Variants in OR2K2 observed in about 807,000 individuals in gnomAD.
OR2K2 encodes olfactory receptor 2K2.
A neutral mutation model predicts 11.1 loss-of-function variants in OR2K2; 7 were observed. The observed-to-expected ratio is 0.63, with a 90% CI of 0.36 to 1.19. The LOEUF (loss-of-function observed/expected upper bound fraction) is 1.19, where lower values mean the gene tolerates loss of function less well. OR2K2 is among the 50% of genes most tolerant of loss of function. OR2K2 has a pLI of 0.02. For missense variants in OR2K2, 391 were observed against 383.4 expected (o/e 1.02, Z -0.17); for synonymous variants, 152 against 150.8 (o/e 1.01, Z -0.06).
In OR2K2 at chr9:111,327,941, G is replaced by T. The variant is rs767959097; in HGVS notation, c.493C>A (p.Gln165Lys). The T allele has an allele frequency of 1.5e-5, 25 of 1,614,046 alleles. No homozygotes were observed. The highest frequency in any genetic ancestry group is 1.2e-5 in the Non-Finnish European group (14 of 1,180,044). ...ATGAGATTCCCACAGAGGGGTATCT[G>T]CAGGGCAAAACTGGTTTCCAGCAGA... Reference protein sequence around the residue: ...TALLETSFALQIPLCGNLIDH... With the variant: ...TALLETSFALKIPLCGNLIDH... Residue 165 changes from glutamine to lysine, a missense_variant, in exon 2 of 2, where the codon CAG becomes AAG. Gln to Lys is a moderately conservative substitution (Grantham distance 53). Transcript: ENST00000302681.
chr9:111,327,893 G>A lies in OR2K2; in HGVS notation c.541C>T (p.Leu181=). Residue 181 remains leucine (L), a synonymous_variant, in exon 2 of 2, where the codon CTG becomes TTG. Coordinates refer to ENST00000302681, the MANE Select transcript of OR2K2 (RefSeq NM_205859.2). The part of the protein sequence containing the change: ...NLIDHFTCEI[L]AVLKLACTSS... ...GTGCAAGCTAACTTTAGCACCGCCAGAATTTCACACGTGAAGTGATCGATG... is the reference window on the plus strand; with the variant it reads ...GTGCAAGCTAACTTTAGCACCGCCAAAATTTCACACGTGAAGTGATCGATG... The A allele has an allele frequency of 6.2e-7, 1 of 1,614,212 alleles. No homozygotes were observed. The highest frequency in any genetic ancestry group is 8.5e-7 in the Non-Finnish European group (1 of 1,180,048).
rs1296414662 is a variant in OR2K2, at chr9:111,328,257, C to T, written c.177G>A (p.Met59Ile). The T allele has an allele frequency of 1.2e-6, 2 of 1,614,120 alleles. No homozygotes were observed. Among genetic ancestry groups the T allele is most frequent in the Non-Finnish European group, 8.5e-7 (1 of 1,180,018 alleles). ...TILDSRLKTPMYLFLGNLSFM... is the reference protein window; with the variant it reads ...TILDSRLKTPIYLFLGNLSFM... ...AAGAGAGATTTCCAAGGAATAAGTA[C>T]ATGGGGGTTTTAAGGCGTGAATCTA... The change falls in exon 2 of 2, where the codon ATG becomes ATA. Residue 59 changes from methionine to isoleucine, a missense_variant. Transcript: ENST00000302681.
intron 1 of OR2K2, 132 bp from the exon 2 acceptor site, chr9:111,328,614 G>T (rs977178902): frequency 6.7e-6 from 4 of 595,578 alleles, no homozygotes; most frequent in South Asian, 2.1e-5. Context: ...TGATGTAAGG[G>T]GGGGAGCAGG....
rs758642297 is a variant in OR2K2, at chr9:111,328,272, G to A, written c.162C>T (p.Arg54=). The A allele has an allele frequency of 6.2e-6, 10 of 1,614,044 alleles. No homozygotes were observed. The highest frequency in any genetic ancestry group is 1.3e-5 in the African/African-American group (1 of 74,924). Residue 54 remains arginine, a synonymous_variant, in exon 2 of 2, where the codon CGC becomes CGT. Transcript: ENST00000302681. ...GGAATAAGTACATGGGGGTTTTAAG[G>A]CGTGAATCTAGGATAGTGATCAAAA... ...TLILITILDS[R]LKTPMYLFLG...
In OR2K2 at chr9:111,327,599, C is replaced by G; in HGVS notation, c.835G>C (p.Val279Leu). 6.2e-7 allele frequency: 1 copy of G among 1,614,082 alleles called. No homozygotes were observed. The highest frequency in any genetic ancestry group is 8.5e-7 in the Non-Finnish European group (1 of 1,179,970). ...IDKIISLLYG[V>L]LTPMLNPIIY... ...ATGGGGTTCAACATAGGGGTAAGCA[C>G]TCCGTAAAGCAACGAGATGATTTTG... Residue 279 changes from valine to leucine, a missense_variant, in exon 2 of 2, where the codon GTG becomes CTG. Transcript: ENST00000302681.
chr9:111,328,251 T>G lies in OR2K2; in HGVS notation c.183A>C (p.Leu61Phe), dbSNP rs1320469999. 6.2e-7 allele frequency: 1 copy of G among 1,614,144 alleles called. No individual in the cohort carries two copies. Among genetic ancestry groups the G allele is most frequent in the Admixed American group, 1.7e-5 (1 of 60,012 alleles). ...CCATGAAAGAGAGATTTCCAAGGAA[T>G]AAGTACATGGGGGTTTTAAGGCGTG... ...LDSRLKTPMYLFLGNLSFMDI... is the reference protein window; with the variant it reads ...LDSRLKTPMYFFLGNLSFMDI... Residue 61 changes from leucine (L) to phenylalanine (F), a missense_variant, in exon 2 of 2, where the codon TTA (leucine) becomes TTC (phenylalanine). Physicochemically the swap from Leu to Phe is conservative, Grantham distance 22. Transcript: ENST00000302681.
At position 111,327,514 on chromosome 9, in the gene OR2K2, A is replaced by G. The variant is rs908065264; in HGVS notation, c.920T>C (p.Ile307Thr). The change falls in exon 2 of 2, where the codon ATA becomes ACA. Residue 307 changes from isoleucine to threonine, a missense_variant. Transcript: ENST00000302681. ...ATGTTCGTGTGTTTGATGCAATGTT[A>G]TTTTGCCCAGCAATTTCTTCATAGC... The part of the protein sequence containing the change: ...KDAMKKLLGK[I>T]TLHQTHEHL The G allele has an allele frequency of 4.3e-6, 7 of 1,610,088 alleles. No homozygotes were observed. Among genetic ancestry groups the G allele is most frequent in the Non-Finnish European group, 5.9e-6 (7 of 1,178,464 alleles).
In OR2K2 at chr9:111,328,078, G is replaced by T; in HGVS notation, c.356C>A (p.Ala119Glu). The change falls in exon 2 of 2, where the codon GCA becomes GAA. Residue 119 changes from alanine (A) to glutamate (E), a missense_variant. Transcript: ENST00000302681. ...ACAAATGGCCACATAACGGTCATAT[G>T]CCATCACGGCCAGGAGCACACACTC... ...STECVLLAVM[A>E]YDRYVAICNP... 6.2e-7 allele frequency: 1 copy of T among 1,614,156 alleles called. No individual in the cohort carries two copies.
chr9:111,328,555 T>C lies in OR2K2; in HGVS notation c.-49-73A>G, dbSNP rs531491118. On this transcript the variant is annotated intron_variant, in intron 1 of 1. Transcript: ENST00000302681. ...AAAATACTCTCAAACTTATTTTCACTATTATAAATGCAATTTTACTACAAG... is the reference window on the plus strand; with the variant it reads ...AAAATACTCTCAAACTTATTTTCACCATTATAAATGCAATTTTACTACAAG... 8.6e-6 allele frequency: 6 copies of C among 696,238 alleles called. No individual in the cohort carries two copies. The African/African-American group carries it at 9.0e-5, about 10-fold the overall frequency. The allele number at this position is 696,238 out of a possible 1,614,324, so 43.1% of individuals were successfully genotyped here. A position where few individuals can be genotyped will look rare whatever the true frequency, so the allele number is the denominator to read the frequency against.
At chr9:111,328,541 A>G in intron 1 of OR2K2, 59 bp from the exon 2 acceptor site, 1 of 749,640 alleles carries the variant, frequency 1.3e-6, no homozygotes, top group Non-Finnish European at 2.1e-6. Flanking sequence ...AAATACTCTC[A>G]AACTTATTTT....
chr9:111,328,790 T>C (rs1033303760), intron 1 of OR2K2, among the ~76,000 whole-genome samples: 2 of 152,190 alleles, frequency 1.3e-5, no homozygotes, highest in Non-Finnish European at 2.9e-5. Flanking sequence ...AAAATATGAA[T>C]GTACATTGAA....
In OR2K2 at chr9:111,327,338, G is replaced by A; in HGVS notation, c.*145C>T. On this transcript the variant is annotated 3_prime_UTR_variant, in exon 2 of 2. Coordinates refer to ENST00000302681, the MANE Select transcript of OR2K2 (RefSeq NM_205859.2). ...AATTGAAACCTACTATTATTAATAG[G>A]CAATCACTCTGTGTATGCAGCTCAT... 1 of 537,464 alleles carries A rather than the reference G, an allele frequency of 1.9e-6. No homozygotes were observed. The highest frequency in any genetic ancestry group is 3.3e-4 in the Middle Eastern group (1 of 3,022). 33.3% of individuals were successfully genotyped at this position (537,464 alleles called of 1,614,324 possible). A position where few individuals can be genotyped will look rare whatever the true frequency, so the allele number is the denominator to read the frequency against.
Position 111,327,617 on chromosome 9 carries a change from TG to T in OR2K2, c.816del (p.Ile273SerfsTer12). ...GTAAGCACTCCGTAAAGCAACGAGA[TG>T]ATTTTGTCTATTTTTTGTGCATTTG... ...SSSNAQKIDK[I>X]ISLLYGVLTP... On this transcript the variant is annotated frameshift_variant, in exon 2 of 2. Transcript: ENST00000302681. LOFTEE classifies it high-confidence loss of function. 1 of 1,614,182 alleles carries T rather than the reference TG, an allele frequency of 6.2e-7. No homozygotes were observed. The highest frequency in any genetic ancestry group is 8.5e-7 in the Non-Finnish European group (1 of 1,180,010).
chr9:111,328,885 C>T (rs2098102079), intron 1 of OR2K2, among the ~76,000 whole-genome samples: 1 of 152,090 alleles, frequency 6.6e-6, no homozygotes, highest in Non-Finnish European at 1.5e-5. Flanking sequence ...CAATATTGAT[C>T]TTCACTAAAA....
At chr9:111,328,778 G>A (rs1324962734) in intron 1 of OR2K2, among the ~76,000 whole-genome samples, 2 of 152,120 alleles carry the variant, frequency 1.3e-5, no homozygotes, top group African/African-American at 4.8e-5. Context: ...ACCGAATGAG[G>A]AAAAATATGA....
rs760535009 is a variant in OR2K2, at chr9:111,328,263, G to T, written c.171C>A (p.Thr57=). ...LITILDSRLK[T]PMYLFLGNLS... Reference sequence around the variant, plus strand: ...GATTTCCAAGGAATAAGTACATGGGGGTTTTAAGGCGTGAATCTAGGATAG... The same window carrying T: ...GATTTCCAAGGAATAAGTACATGGGTGTTTTAAGGCGTGAATCTAGGATAG... Residue 57 remains threonine (T), a synonymous_variant, in exon 2 of 2, where the codon ACC becomes ACA. Transcript: ENST00000302681. 6.2e-6 allele frequency: 10 copies of T among 1,614,024 alleles called. No homozygotes were observed. Among genetic ancestry groups the T allele is most frequent in the Non-Finnish European group, 7.6e-6 (9 of 1,180,024 alleles).
chr9:111,328,096 A>C lies in OR2K2; in HGVS notation c.338T>G (p.Val113Gly). The change falls in exon 2 of 2, where the codon GTG becomes GGG. Residue 113 changes from valine to glycine, a missense_variant. By Grantham distance (109) the Val-to-Gly change is moderately radical. Transcript: ENST00000302681. ...LSLAMGSTEC[V>G]LLAVMAYDRY... is the part of the protein sequence containing the mutation. ...GTCATATGCCATCACGGCCAGGAGCACACACTCTGTGGAGCCCATGGCAAG... is the reference window on the plus strand; with the variant it reads ...GTCATATGCCATCACGGCCAGGAGCCCACACTCTGTGGAGCCCATGGCAAG... 3 of 1,614,216 alleles carry C rather than the reference A, an allele frequency of 1.9e-6. No homozygotes were observed. Among genetic ancestry groups the C allele is most frequent in the Non-Finnish European group, 2.5e-6 (3 of 1,180,046 alleles).
In OR2K2 at chr9:111,328,350, G is replaced by A. The variant is rs112112341; in HGVS notation, c.84C>T (p.Phe28=). 8.0e-5 allele frequency: 129 copies of A among 1,613,796 alleles called. 4 individuals carry two copies. In the East Asian group the frequency reaches 8.7e-4, roughly 11 times the overall value. ...TCAGATACATTACAAGGCTGAAGACGAAGAGAACCACTTCTAACCCTGGGT... is the reference window on the plus strand; with the variant it reads ...TCAGATACATTACAAGGCTGAAGACAAAGAGAACCACTTCTAACCCTGGGT... ...SQYPGLEVVL[F]VFSLVMYLTT... is the part of the protein sequence containing the mutation. Residue 28 remains phenylalanine, a synonymous_variant, in exon 2 of 2, where the codon TTC becomes TTT. Transcript: ENST00000302681.
At chr9:111,329,486 G>T (rs1196341679) in intron 1 of OR2K2, among the ~76,000 whole-genome samples, 1 of 152,126 alleles carries the variant, frequency 6.6e-6, no homozygotes, top group Non-Finnish European at 1.5e-5. Flanking sequence ...AAAAATTATA[G>T]CCAGGCAATA....
Sources: allele counts gnomAD v4.1 joint callset (sites outside exome capture counted in the v4.1 genomes callset), GRCh38; gene constraint gnomAD v4.1.1; transcripts MANE v1.5; gene names NCBI Gene and HGNC (gene_info 2026-07-23, HGNC 2026-07-21).